Variants in CACNA1E observed in about 807,000 individuals in gnomAD.
CACNA1E encodes the protein voltage-dependent R-type calcium channel subunit alpha-1E.
CACNA1E carries 40 observed loss-of-function variants against 259.2 expected under a neutral mutation model. That is an observed-to-expected ratio of 0.15 (90% CI 0.12 to 0.20). The LOEUF (loss-of-function observed/expected upper bound fraction) is 0.20. Ranked by LOEUF, CACNA1E falls within the 10% of genes least tolerant of loss-of-function variation. The pLI is 1.00. For synonymous variants in CACNA1E, 1,104 were observed against 1,138.5 expected, an observed-to-expected ratio of 0.97 and a Z score of 0.61; for missense variants, 1,874 against 3,040.1, an observed-to-expected ratio of 0.62 and a Z score of 9.02.
chr1:181,795,145 A>G (rs1391070182), intron 46 of CACNA1E, 101 bp downstream of exon 46: 2 of 996,390 alleles, frequency 2.0e-6, no homozygotes, highest in African/African-American at 3.2e-5. Flanking sequence ...AAGAATTCAG[A>G]GACAAGGGCT....
At chr1:181,770,734 A>T (rs1292244396) in intron 35 of CACNA1E, among the ~76,000 whole-genome samples, 1 of 152,150 alleles carries the variant, frequency 6.6e-6, no homozygotes, top group African/African-American at 2.4e-5. Context: ...TGACATACAG[A>T]CCTTCTAAGA....
At chr1:181,620,705 G>A (rs1260097001) in intron 6 of CACNA1E, among the ~76,000 whole-genome samples, 2 of 152,180 alleles carry the variant, frequency 1.3e-5, no homozygotes, top group Admixed American at 6.5e-5. Flanking sequence ...AAATAGTAAT[G>A]CAAGATGGAA....
At chr1:181,490,543 GTTTT>G (rs34093740) in intron 1 of CACNA1E, among the ~76,000 whole-genome samples, 1 of 125,314 alleles carries the variant, frequency 8.0e-6, no homozygotes, top group Non-Finnish European at 1.7e-5. Context: ...TGCCAAGCAT[GTTTT>G]TTTTTTTTTT....
rs559816383 is a variant in CACNA1E at position 181,343,392 on chromosome 1, G to T, written c.-15+25269G>T. On this transcript the variant is annotated intron_variant, in intron 1 of 11. Transcript: ENST00000524607. Reference sequence around the variant, plus strand: ...TCCTCATGATAATGAGTGAGTTCTTGCTCTACTAGTTCACGTGAGATCTGG... The same window carrying T: ...TCCTCATGATAATGAGTGAGTTCTTTCTCTACTAGTTCACGTGAGATCTGG... 5.3e-5 allele frequency among the ~76,000 whole-genome samples: 8 copies of T among 152,156 alleles called. No individual in the cohort carries two copies. The South Asian group carries it at 1.7e-3, about 32-fold the overall frequency.
chr1:181,510,519 C>T lies in CACNA1E; in HGVS notation c.309C>T (p.Cys103=). ...YMILATIIAN[C]IVLALEQHLP... ...TCCTGGCCACCATCATTGCCAACTG[C>T]ATCGTCCTGGCCCTGGAGCAGCATC... The change falls in exon 2 of 48, where the codon TGC becomes TGT. Residue 103 remains cysteine, a synonymous_variant. Coordinates refer to ENST00000367573, the MANE Select transcript of CACNA1E (RefSeq NM_001205293.3). 6.2e-7 allele frequency: 1 copy of T among 1,613,976 alleles called. No individual in the cohort carries two copies. The highest frequency in any genetic ancestry group is 8.5e-7 in the Non-Finnish European group (1 of 1,179,822).
intron 1 of CACNA1E, among the ~76,000 whole-genome samples, chr1:181,320,364 G>A (rs1650247107): frequency 6.6e-6 from 1 of 152,024 alleles, no homozygotes; most frequent in Admixed American, 6.5e-5. Flanking sequence ...GGATGTGTCA[G>A]TCACACCTCC....
intron 3 of CACNA1E, among the ~76,000 whole-genome samples, chr1:181,568,301 C>A (rs1400059282): frequency 6.6e-6 from 1 of 152,124 alleles, no homozygotes; most frequent in Admixed American, 6.5e-5. Flanking sequence ...CACAGCCGCC[C>A]CAGGAATGGC....
intron 1 of CACNA1E, among the ~76,000 whole-genome samples, chr1:181,395,659 C>T (rs1656630839): frequency 6.6e-6 from 1 of 152,128 alleles, no homozygotes; most frequent in African/African-American, 2.4e-5. Flanking sequence ...TGGGTTTGTG[C>T]GTTTGAAGAG....
At position 181,483,858 on chromosome 1, in the gene CACNA1E, C is replaced by T. The variant is rs1257068722; in HGVS notation, c.114C>T (p.Ala38=). The change falls in exon 1 of 48, where the codon GCC becomes GCT. Residue 38 remains alanine, a synonymous_variant. Coordinates refer to ENST00000367573, the MANE Select transcript of CACNA1E (RefSeq NM_001205293.3). ...TGCCGGCCTCGGGGCAGGCGGCCGC[C>T]TACAAGCAGACGAAAGCACAGAGGG... is the stretch of plus-strand genomic sequence containing the variant. ...TPVPASGQAA[A]YKQTKAQRAR... 1.9e-6 allele frequency: 3 copies of T among 1,613,790 alleles called. No individual in the cohort carries two copies. Among genetic ancestry groups the T allele is most frequent in the African/African-American group, 1.3e-5 (1 of 74,974 alleles).
At chr1:181,343,762 C>T (rs1245910797) in intron 1 of CACNA1E, among the ~76,000 whole-genome samples, 1 of 152,222 alleles carries the variant, frequency 6.6e-6, no homozygotes, top group Admixed American at 6.5e-5. Flanking sequence ...TCCTTGGCCC[C>T]ATGGTTCCCA....
intron 1 of CACNA1E, among the ~76,000 whole-genome samples, chr1:181,399,401 T>G (rs1571768196): frequency 6.6e-6 from 1 of 152,246 alleles, no homozygotes; most frequent in African/African-American, 2.4e-5. Context: ...TTTTTCTAGA[T>G]TGTCCCAGGT....
At chr1:181,702,047 G>A (rs995728893) in intron 7 of CACNA1E, among the ~76,000 whole-genome samples, 38 of 152,160 alleles carry the variant, frequency 2.5e-4, no homozygotes, top group Non-Finnish European at 1.5e-5. Context: ...CACATATTGT[G>A]TGGATGACAG....
intron 1 of CACNA1E, among the ~76,000 whole-genome samples, chr1:181,488,788 T>C (rs1248038938): frequency 3.3e-5 from 5 of 152,144 alleles, no homozygotes; most frequent in Non-Finnish European, 7.3e-5. Flanking sequence ...AGGAAAGTAA[T>C]GAGAACAGGC....
At chr1:181,480,969 A>G (rs1437854913), upstream of CACNA1E, among the ~76,000 whole-genome samples, 2 of 152,196 alleles carry the variant, frequency 1.3e-5, no homozygotes, top group Non-Finnish European at 2.9e-5. Context: ...AAGGAGCGAC[A>G]TACACTTAAT....
rs1662239745 is a variant in CACNA1E at position 181,801,081 on chromosome 1, A to G, written c.*2247A>G. ...ATTGCTTTTAAAGTTTCCTCTGCTC[A>G]GCATCATTTCATGCCAAAGTGCTGC... On this transcript the variant is annotated 3_prime_UTR_variant, in exon 48 of 48. Transcript: ENST00000367573. The G allele has an allele frequency of 6.5e-6, 1 of 152,694 alleles. No individual in the cohort carries two copies. The highest frequency in any genetic ancestry group is 1.5e-5 in the Non-Finnish European group (1 of 68,050). The allele number at this position is 152,694 out of a possible 1,614,324, so 9.5% of individuals were successfully genotyped here. A position where few individuals can be genotyped will look rare whatever the true frequency, so the allele number is the denominator to read the frequency against.
intron 1 of CACNA1E, among the ~76,000 whole-genome samples, chr1:181,331,526 C>A (rs550450240): frequency 6.6e-6 from 1 of 152,252 alleles, no homozygotes; most frequent in African/African-American, 2.4e-5. Flanking sequence ...TCTATACAAG[C>A]CTTCAGCTAA....
At position 181,805,945 on chromosome 1, in the gene CACNA1E, G is replaced by A. The variant is rs1475045693; in HGVS notation, c.*7111G>A. 1.3e-5 allele frequency: 2 copies of A among 152,174 alleles called. No homozygotes were observed. The highest frequency in any genetic ancestry group is 2.4e-5 in the African/African-American group (1 of 41,426). 9.4% of individuals were successfully genotyped at this position (152,174 alleles called of 1,614,324 possible). ...GACAGACTTAGAGATGTGTAACCTT[G>A]GATCCTCTTTTTCACTTAGAATATG... On this transcript the variant is annotated 3_prime_UTR_variant, in exon 48 of 48. Coordinates refer to ENST00000367573, the MANE Select transcript of CACNA1E (RefSeq NM_001205293.3).
At chr1:181,422,547 G>A (rs377705540) in intron 2 of CACNA1E, among the ~76,000 whole-genome samples, 1 of 152,126 alleles carries the variant, frequency 6.6e-6, no homozygotes, top group Non-Finnish European at 1.5e-5. Context: ...TATGAGAACT[G>A]TCCTCCTTCA....
At chr1:181,600,391 T>C (rs1025402385) in intron 6 of CACNA1E, among the ~76,000 whole-genome samples, 31 of 152,204 alleles carry the variant, frequency 2.0e-4, no homozygotes, top group Non-Finnish European at 8.8e-5. Flanking sequence ...AGATCTGATA[T>C]ATGCTGAAAG....
Sources: gnomAD v4.1 joint callset for allele counts (sites outside exome capture counted in the v4.1 genomes callset) on GRCh38, gnomAD v4.1.1 for gene constraint, MANE v1.5 for transcripts, NCBI Gene and HGNC (gene_info 2026-07-23, HGNC 2026-07-21) for gene names.